The following SORCS3 variants were observed in gnomAD, a reference collection of about 807,000 sequenced individuals.
SORCS3 encodes the protein sortilin related VPS10 domain containing receptor 3, also known as VPS10 domain-containing receptor SorCS3.
Under a neutral mutation model 146.3 loss-of-function variants are expected in SORCS3, and 57 were observed. The observed-to-expected ratio is 0.39, with a 90% CI of 0.31 to 0.49. The LOEUF (loss-of-function observed/expected upper bound fraction) is 0.49. Ranked by LOEUF, SORCS3 falls within the 20% of genes least tolerant of loss-of-function variation. SORCS3 has a pLI of 0.92. For synonymous variants in SORCS3, 653 were observed against 618.5 expected, an observed-to-expected ratio of 1.06 and a Z score of -0.83; for missense variants, 1,341 against 1,575.5, an observed-to-expected ratio of 0.85 and a Z score of 2.52.
intron 3 of SORCS3, among the ~76,000 whole-genome samples, chr10:104,919,121 C>T (rs553792921): frequency 4.6e-5 from 7 of 152,274 alleles, no homozygotes; most frequent in East Asian, 3.9e-4. Flanking sequence ...CTCACTGGCA[C>T]GGGGATACCA....
intron 20 of SORCS3, among the ~76,000 whole-genome samples, chr10:105,242,380 T>A (rs1316830487): frequency 8.3e-6 from 1 of 119,864 alleles, no homozygotes; most frequent in Non-Finnish European, 1.6e-5. Flanking sequence ...ATACATATAT[T>A]TATATATATT....
chr10:104,641,316 A>G lies in SORCS3; in HGVS notation c.-12A>G. On this transcript the variant is annotated 5_prime_UTR_variant, in exon 1 of 27. Coordinates refer to ENST00000369701, the MANE Select transcript of SORCS3 (RefSeq NM_014978.3). This position sits in a 1 kb window ranked among gnomAD's most constrained non-coding sequence, Gnocchi z 6.4. ...CACACTCGGCAGCCCGAGCCGCGGT[A>G]GCCGCAGCGGGATGGAGGCGGCGCG... 4 of 1,283,780 alleles carry G rather than the reference A, an allele frequency of 3.1e-6. No individual in the cohort carries two copies. Among genetic ancestry groups the G allele is most frequent in the Non-Finnish European group, 3.9e-6 (4 of 1,018,734 alleles). 79.5% of individuals were successfully genotyped at this position (1,283,780 alleles called of 1,614,324 possible). A position where few individuals can be genotyped will look rare whatever the true frequency, so the allele number is the denominator to read the frequency against.
At chr10:104,726,331 T>C (rs995371496) in intron 1 of SORCS3, among the ~76,000 whole-genome samples, 13 of 152,198 alleles carry the variant, frequency 8.5e-5, no homozygotes, top group African/African-American at 3.1e-4. Context: ...CCTTTCTTCC[T>C]ATGAGGGCAC....
chr10:104,742,843 GC>G (rs1377890264), intron 1 of SORCS3, among the ~76,000 whole-genome samples: 1 of 152,112 alleles, frequency 6.6e-6, no homozygotes, highest in Non-Finnish European at 1.5e-5. Flanking sequence ...GAACTGCACT[GC>G]CATGATTGAC....
At chr10:104,693,389 G>A (rs2016137144) in intron 1 of SORCS3, among the ~76,000 whole-genome samples, 1 of 152,174 alleles carries the variant, frequency 6.6e-6, no homozygotes, top group African/African-American at 2.4e-5. Flanking sequence ...TCCGAGAGAT[G>A]ACTTGCCATG....
At chr10:104,673,873 C>A (rs2015884606) in intron 1 of SORCS3, among the ~76,000 whole-genome samples, 1 of 152,172 alleles carries the variant, frequency 6.6e-6, no homozygotes, top group African/African-American at 2.4e-5. Context: ...ACATAAAAAA[C>A]TCTCCTCCTT....
intron 1 of SORCS3, among the ~76,000 whole-genome samples, chr10:104,703,268 G>T (rs1031460408): frequency 6.6e-6 from 1 of 152,122 alleles, no homozygotes. Context: ...TGGTATTTCT[G>T]GTTCTAGATC....
At chr10:104,912,085 A>C (rs1363736267) in intron 2 of SORCS3, among the ~76,000 whole-genome samples, 1 of 152,144 alleles carries the variant, frequency 6.6e-6, no homozygotes, top group Non-Finnish European at 1.5e-5. Context: ...GCAAAATCCC[A>C]TTGCAGTAGT....
At chr10:104,958,382 C>T (rs1183584273) in intron 3 of SORCS3, among the ~76,000 whole-genome samples, 5 of 152,134 alleles carry the variant, frequency 3.3e-5, no homozygotes, top group East Asian at 3.9e-4. Context: ...CTGCAATGCC[C>T]CGCTCCCCAG....
At chr10:104,728,570 C>G (rs931487170) in intron 1 of SORCS3, among the ~76,000 whole-genome samples, 1 of 152,110 alleles carries the variant, frequency 6.6e-6, no homozygotes, top group African/African-American at 2.4e-5. Context: ...AGGACAAAGA[C>G]CTGGGGATAT....
intron 1 of SORCS3, among the ~76,000 whole-genome samples, chr10:104,670,847 C>T (rs1839853378): frequency 6.6e-6 from 1 of 151,222 alleles, no homozygotes; most frequent in Non-Finnish European, 1.5e-5. Context: ...TAATTTCTTT[C>T]AGCAGTATTT....
chr10:104,747,868 G>A (rs368430395), intron 1 of SORCS3, among the ~76,000 whole-genome samples: 2 of 152,222 alleles, frequency 1.3e-5, no homozygotes, highest in African/African-American at 2.4e-5. Context: ...ACCTTGAACA[G>A]CACTGGGTTT....
At chr10:104,962,662 G>T (rs963464896) in intron 3 of SORCS3, among the ~76,000 whole-genome samples, 2 of 152,170 alleles carry the variant, frequency 1.3e-5, no homozygotes, top group Non-Finnish European at 2.9e-5. Flanking sequence ...CCAAGAGCAG[G>T]CAATGCGTAG....
chr10:104,655,175 C>T (rs1400793421), intron 1 of SORCS3, among the ~76,000 whole-genome samples: 2 of 151,410 alleles, frequency 1.3e-5, no homozygotes, highest in East Asian at 3.9e-4. Flanking sequence ...ATCACTTGAA[C>T]CGGGGAGGCG....
At chr10:104,841,274 C>G (rs1443615228) in intron 1 of SORCS3, among the ~76,000 whole-genome samples, 5 of 152,160 alleles carry the variant, frequency 3.3e-5, no homozygotes, top group Non-Finnish European at 5.9e-5. Context: ...TGCTGTTGTG[C>G]TGTGGTAATA....
intron 22 of SORCS3, among the ~76,000 whole-genome samples, chr10:105,250,858 G>T (rs116043591): frequency 6.6e-6 from 1 of 152,082 alleles, no homozygotes; most frequent in South Asian, 2.1e-4. Flanking sequence ...ACTTCCCTGC[G>T]GGCTGGCTCT....
intron 2 of SORCS3, among the ~76,000 whole-genome samples, chr10:104,900,381 G>C (rs766521916): frequency 6.6e-6 from 1 of 152,078 alleles, no homozygotes; most frequent in Non-Finnish European, 1.5e-5. Flanking sequence ...AGTCATCCAG[G>C]ATAGTGAGAT....
rs897862013 is a variant in SORCS3, at chr10:105,263,468, A to C, written c.*94A>C. On this transcript the variant is annotated 3_prime_UTR_variant, in exon 27 of 27. Transcript: ENST00000369701. ...ATGGAAAAATTAAAATGTCTTTTTTACCTTTTGTTTACCAAGGGCCCCTTC... is the reference window on the plus strand; with the variant it reads ...ATGGAAAAATTAAAATGTCTTTTTTCCCTTTTGTTTACCAAGGGCCCCTTC... 3.1e-6 allele frequency: 4 copies of C among 1,300,528 alleles called. No individual in the cohort carries two copies. The African/African-American group carries it at 5.9e-5, about 19-fold the overall frequency. 80.6% of individuals were successfully genotyped at this position (1,300,528 alleles called of 1,614,324 possible). A position where few individuals can be genotyped will look rare whatever the true frequency, so the allele number is the denominator to read the frequency against.
intron 1 of SORCS3, among the ~76,000 whole-genome samples, chr10:104,769,357 T>C (rs888916743): frequency 6.6e-6 from 1 of 152,146 alleles, no homozygotes; most frequent in African/African-American, 2.4e-5. Context: ...GGAGGTGTTG[T>C]GGGCTGTTTC....
Sources: gnomAD v4.1 joint callset for allele counts (sites outside exome capture counted in the v4.1 genomes callset) on GRCh38, gnomAD v4.1.1 for gene constraint, Gnocchi (gnomAD v3.1) non-coding constraint, MANE v1.5 for transcripts, NCBI Gene and HGNC (gene_info 2026-07-23, HGNC 2026-07-21) for gene names.